Variants in THRA observed in about 807,000 individuals in gnomAD.
THRA encodes thyroid hormone receptor alpha.
In THRA, 13 loss-of-function variants were observed where a neutral mutation model predicts 45.0. The observed-to-expected ratio is 0.29, with a 90% CI of 0.19 to 0.46. THRA has a LOEUF of 0.46. THRA is among the 20% of genes least tolerant of loss of function. The pLI, the probability that THRA is intolerant of heterozygous loss-of-function variation, is 1.00. For missense variants in THRA, 278 were observed against 556.1 expected (o/e 0.50, Z 5.03); for synonymous variants, 195 against 214.0 (o/e 0.91, Z 0.78).
At chr17:40,069,977 T>G (rs1986715248) in intron 1 of THRA, among the ~76,000 whole-genome samples, 1 of 151,516 alleles carries the variant, frequency 6.6e-6, no homozygotes, top group Admixed American at 6.6e-5. Flanking sequence ...GTTTATGTCT[T>G]TCTGTCTCTG....
In THRA at chr17:40,076,904, G is replaced by C; in HGVS notation, c.87G>C (p.Lys29Asn). The change falls in exon 3 of 9, where the codon AAG (lysine) becomes AAC (asparagine). Residue 29 changes from lysine to asparagine, a missense_variant. Transcript: ENST00000450525. ...CACCAGATGGAAAGCGAAAAAGAAA[G>C]AACGGCCAATGTTCCCTGAAAACCA... ...ARSPDGKRKRKNGQCSLKTSM... is the reference protein window; with the variant it reads ...ARSPDGKRKRNNGQCSLKTSM... 6.2e-7 allele frequency: 1 copy of C among 1,614,128 alleles called. No individual in the cohort carries two copies. The highest frequency in any genetic ancestry group is 8.5e-7 in the Non-Finnish European group (1 of 1,180,004).
chr17:40,076,750 A>G, intron 2 of THRA, 121 bp from the exon 3 acceptor site: 1 of 968,858 alleles, frequency 1.0e-6, no homozygotes. Context: ...GGGGGGTGGG[A>G]GGTAGAATGA....
In THRA at chr17:40,091,524, C is replaced by T. The variant is rs1987549171; in HGVS notation, c.*2068C>T. ...CCATGGGTAGGCCCTCTTGTACCTT[C>T]CTACCACGCCTGGGGGCCCAGTGGA... is the stretch of plus-strand genomic sequence containing the variant. On this transcript the variant is annotated 3_prime_UTR_variant, in exon 9 of 9. Transcript: ENST00000450525. 6.6e-6 allele frequency: 1 copy of T among 152,404 alleles called. No homozygotes were observed. Among genetic ancestry groups the T allele is most frequent in the Non-Finnish European group, 1.5e-5 (1 of 68,196 alleles). 9.4% of individuals were successfully genotyped at this position (152,404 alleles called of 1,614,324 possible). A position where few individuals can be genotyped will look rare whatever the true frequency, so the allele number is the denominator to read the frequency against.
At chr17:40,065,889 G>A (rs1598386527) in intron 1 of THRA, among the ~76,000 whole-genome samples, 1 of 152,308 alleles carries the variant, frequency 6.6e-6, no homozygotes, top group East Asian at 1.9e-4. Context: ...TCTTAAACAA[G>A]CCATGAAGAG....
At chr17:40,093,381 G>T, downstream of THRA, 1 of 1,609,520 alleles carries the variant, frequency 6.2e-7, no homozygotes, top group Non-Finnish European at 8.5e-7. This position sits in a 1 kb window ranked among gnomAD's most constrained non-coding sequence, Gnocchi z 5.9. Flanking sequence ...GCCTCTCCCT[G>T]AAGCCCCCCA....
intron 1 of THRA, among the ~76,000 whole-genome samples, chr17:40,068,736 C>T (rs1487539618): frequency 6.6e-6 from 1 of 152,220 alleles, no homozygotes; most frequent in Non-Finnish European, 1.5e-5. Flanking sequence ...GGCCCACCTC[C>T]TCCTCCTCCT....
intron 4 of THRA, among the ~76,000 whole-genome samples, chr17:40,079,150 G>C (rs539192632): frequency 2.0e-5 from 3 of 152,194 alleles, no homozygotes. Flanking sequence ...CCAGTACTGG[G>C]GGGGTAGTGG....
intron 4 of THRA, among the ~76,000 whole-genome samples, chr17:40,082,207 CTTTTTTTTTTTTTT>C (rs770974952): frequency 2.5e-5 from 2 of 78,784 alleles, no homozygotes; most frequent in African/African-American, 9.9e-5. Context: ...CTTGGATTTC[CTTTTTTTTTTTTTT>C]TTTTTTTTTT....
chr17:40,084,563 G>A (rs770647784), intron 5 of THRA, 47 bp from the exon 6 acceptor site: 1 of 1,597,370 alleles, frequency 6.3e-7, no homozygotes, highest in Non-Finnish European at 8.6e-7. Context: ...TTATGGAAAG[G>A]GGATGGAGGG....
intron 1 of THRA, among the ~76,000 whole-genome samples, chr17:40,067,125 C>G (rs1252427644): frequency 1.3e-5 from 2 of 152,176 alleles, no homozygotes; most frequent in African/African-American, 4.8e-5. Context: ...CTTTTCCTCC[C>G]AGACAAATTT....
chr17:40,079,417 G>A (rs1057116708), intron 4 of THRA, among the ~76,000 whole-genome samples: 3 of 152,010 alleles, frequency 2.0e-5, no homozygotes, highest in Non-Finnish European at 4.4e-5. Flanking sequence ...GCTAATTTTT[G>A]TATTTTTAGT....
chr17:40,080,632 C>A (rs1320221971), intron 4 of THRA, among the ~76,000 whole-genome samples: 1 of 151,950 alleles, frequency 6.6e-6, no homozygotes, highest in Non-Finnish European at 1.5e-5. Flanking sequence ...GACAGAGATG[C>A]CTTGGCCCCA....
chr17:40,092,931 A>G lies in THRA; in HGVS notation c.*3475A>G, dbSNP rs1373617274. 6 of 1,512,894 alleles carry G rather than the reference A, an allele frequency of 4.0e-6. No homozygotes were observed. In the African/African-American group the frequency reaches 4.2e-5, roughly 11 times the overall value. The allele number at this position is 1,512,894 out of a possible 1,614,324, so 93.7% of individuals were successfully genotyped here. ...GGGGAGGGAGGCAGGTATTTACAAGAAGGCTCAGGGGGCCAGAGGCTCATC... is the reference window on the plus strand; with the variant it reads ...GGGGAGGGAGGCAGGTATTTACAAGGAGGCTCAGGGGGCCAGAGGCTCATC... On this transcript the variant is annotated 3_prime_UTR_variant, in exon 9 of 9. Coordinates refer to ENST00000450525, the MANE Select transcript of THRA (RefSeq NM_199334.5).
chr17:40,077,734 G>A, intron 4 of THRA, 126 bp downstream of exon 4: 1 of 724,948 alleles, frequency 1.4e-6, no homozygotes, highest in Admixed American at 2.7e-5. Context: ...TCTCACTCTT[G>A]TCCCCCAGGC....
At position 40,089,375 on chromosome 17, in the gene THRA, C is replaced by A; in HGVS notation, c.1152C>A (p.Arg384=). Residue 384 remains arginine, a synonymous_variant, in exon 9 of 9, where the codon CGC becomes CGA. Coordinates refer to ENST00000450525, the MANE Select transcript of THRA (RefSeq NM_199334.5). The surrounding 1 kb of genome is among the most constrained non-coding windows in gnomAD (Gnocchi z 6.1). Reference sequence around the variant, plus strand: ...TGATCGGGGCCTGCCACGCCAGCCGCTTCCTCCACATGAAAGTCGAGTGCC... The same window carrying A: ...TGATCGGGGCCTGCCACGCCAGCCGATTCCTCCACATGAAAGTCGAGTGCC... ...LRMIGACHAS[R]FLHMKVECPT... is the part of the protein sequence containing the mutation. 1 of 1,614,178 alleles carries A rather than the reference C, an allele frequency of 6.2e-7. No homozygotes were observed. The highest frequency in any genetic ancestry group is 1.1e-5 in the South Asian group (1 of 91,088).
intron 3 of THRA, 60 bp downstream of exon 3, chr17:40,076,998 G>T (rs990211063): frequency 6.5e-7 from 1 of 1,540,548 alleles, no homozygotes; most frequent in South Asian, 1.1e-5. Context: ...CCCAGCCAGG[G>T]CTCCTCTGGA....
chr17:40,090,707 G>A lies in THRA; in HGVS notation c.*1251G>A, dbSNP rs12948025. 0.016 allele frequency: 2,436 copies of A among 152,422 alleles called. 23 individuals are homozygous for A. The highest frequency in any genetic ancestry group is 0.024 in the Non-Finnish European group (1,607 of 68,148). 9.4% of individuals were successfully genotyped at this position (152,422 alleles called of 1,614,324 possible). ...CCTACTCACTGCACTAACTCTGGGC[G>A]GGCAGGTACCAGAATGGGGGTGTTT... On this transcript the variant is annotated 3_prime_UTR_variant, in exon 9 of 9. Coordinates refer to ENST00000450525, the MANE Select transcript of THRA (RefSeq NM_199334.5).
intron 1 of THRA, among the ~76,000 whole-genome samples, chr17:40,066,679 A>AAAAAAG (rs1986582650): frequency 1.3e-5 from 1 of 75,956 alleles, no homozygotes; most frequent in African/African-American, 6.7e-5. Context: ...AAAAAAAAAA[A>AAAAAAG]AAAAAGAAAA....
At chr17:40,065,267 G>A (rs1433765789) in intron 1 of THRA, among the ~76,000 whole-genome samples, 1 of 152,046 alleles carries the variant, frequency 6.6e-6, no homozygotes, top group East Asian at 1.9e-4. Flanking sequence ...ATTTGCCTGG[G>A]TCTTTCCTGG....
Sources: allele counts gnomAD v4.1 joint callset (sites outside exome capture counted in the v4.1 genomes callset), GRCh38; gene constraint gnomAD v4.1.1; non-coding constraint Gnocchi (gnomAD v3.1); transcripts MANE v1.5; gene names NCBI Gene and HGNC (gene_info 2026-07-23, HGNC 2026-07-21).